The following SLC9C1 variants were observed in gnomAD, a reference collection of about 807,000 sequenced individuals.
SLC9C1 encodes solute carrier family 9 member C1, also known as sodium/hydrogen exchanger 10.
In SLC9C1, 97 loss-of-function variants were observed where a neutral mutation model predicts 140.9. That is an observed-to-expected ratio of 0.69 (90% CI 0.58 to 0.82). The LOEUF (loss-of-function observed/expected upper bound fraction) is 0.82, where lower values mean the gene tolerates loss of function less well. SLC9C1 is among the 40% of genes least tolerant of loss of function. SLC9C1 has a pLI of 0.00. For missense variants in SLC9C1, 1,340 were observed against 1,389.3 expected, an observed-to-expected ratio of 0.96 and a Z score of 0.56; for synonymous variants, 440 against 442.6, an observed-to-expected ratio of 0.99 and a Z score of 0.07.
At chr3:112,175,712 A>G (rs2077323818) in intron 23 of SLC9C1, among the ~76,000 whole-genome samples, 1 of 152,176 alleles carries the variant, frequency 6.6e-6, no homozygotes, top group Admixed American at 6.5e-5. Context: ...GTGCATGAAT[A>G]AGAAGTCTGA....
At chr3:112,141,401 G>C in intron 28 of SLC9C1, 120 bp from the exon 29 acceptor site, 1 of 981,490 alleles carries the variant, frequency 1.0e-6, no homozygotes, top group Non-Finnish European at 1.4e-6. Flanking sequence ...GACACACTTG[G>C]TCATTTTTGT....
intron 23 of SLC9C1, 120 bp downstream of exon 23, chr3:112,179,411 C>T (rs1171551499): frequency 4.4e-6 from 5 of 1,136,462 alleles, no homozygotes; most frequent in South Asian, 1.8e-5. Flanking sequence ...CTTTATAATT[C>T]CTAGTTTTTA....
intron 20 of SLC9C1, among the ~76,000 whole-genome samples, chr3:112,188,026 A>G (rs1327314052): frequency 6.6e-6 from 1 of 152,072 alleles, no homozygotes; most frequent in Admixed American, 6.5e-5. Context: ...ACATCTATTT[A>G]CATATGTTTA....
At chr3:112,235,966 G>A (rs1177591926) in intron 12 of SLC9C1, among the ~76,000 whole-genome samples, 1 of 152,174 alleles carries the variant, frequency 6.6e-6, no homozygotes, top group Non-Finnish European at 1.5e-5. Context: ...TTTGGTATCA[G>A]GATGATGCTG....
At chr3:112,146,518 C>T (rs1473932775) in intron 28 of SLC9C1, among the ~76,000 whole-genome samples, 1 of 152,072 alleles carries the variant, frequency 6.6e-6, no homozygotes, top group Non-Finnish European at 1.5e-5. Context: ...GTGTCTCTTT[C>T]ATTTATTTCA....
In SLC9C1 at chr3:112,168,170, A is replaced by AT. The variant is rs58036556; in HGVS notation, c.3237+706dup. Among the ~76,000 whole-genome samples, 33 of 151,812 alleles carry AT rather than the reference A, an allele frequency of 2.2e-4. 1 individual carries two copies. Among genetic ancestry groups the AT allele is most frequent in the South Asian group, 1.0e-3 (5 of 4,810 alleles). On this transcript the variant is annotated intron_variant, in intron 25 of 28. Coordinates refer to ENST00000305815, the MANE Select transcript of SLC9C1 (RefSeq NM_183061.3). The stretch of plus-strand genomic sequence containing the variant: ...CTCTTGAGGATAAGTTGTAAGTATC[A>AT]TTTTTTTTATCATTTCAATATATAG...
At chr3:112,155,072 G>C (rs763897150) in intron 26 of SLC9C1, 23 bp from the exon 27 acceptor site, 7 of 1,364,972 alleles carry the variant, frequency 5.1e-6, no homozygotes, top group Admixed American at 1.9e-5. Context: ...AAAAAAAACA[G>C]TGTTAATTCA....
At position 112,231,372 on chromosome 3, in the gene SLC9C1, A is replaced by G; in HGVS notation, c.1561T>C (p.Ser521Pro). The part of the protein sequence containing the change: ...AMELANRRLL[S>P]AQIASYQRQY... The stretch of plus-strand genomic sequence containing the variant: ...GAATAATACAGTACTATTTGTGCTG[A>G]CAAGAGACGCCTGTTGGCCAGCTCC... The change falls in exon 13 of 29, where the codon TCA becomes CCA. Residue 521 changes from serine (S) to proline (P), a missense_variant. Coordinates refer to ENST00000305815, the MANE Select transcript of SLC9C1 (RefSeq NM_183061.3). 2 of 1,613,382 alleles carry G rather than the reference A, an allele frequency of 1.2e-6. No homozygotes were observed. The highest frequency in any genetic ancestry group is 4.5e-5 in the East Asian group (2 of 44,836).
Position 112,141,179 on chromosome 3 carries a change from G to A in SLC9C1, c.*93C>T. On this transcript the variant is annotated 3_prime_UTR_variant, in exon 29 of 29. Transcript: ENST00000305815. Reference sequence around the variant, plus strand: ...TCATCCACACAGGATCCAACCTGAAGTTACTCCTTCTTGATGTAGGGAAGT... The same window carrying A: ...TCATCCACACAGGATCCAACCTGAAATTACTCCTTCTTGATGTAGGGAAGT... 4 of 1,328,772 alleles carry A rather than the reference G, an allele frequency of 3.0e-6. No individual in the cohort carries two copies. Among genetic ancestry groups the A allele is most frequent in the Admixed American group, 2.7e-5 (1 of 36,646 alleles). 82.3% of individuals were successfully genotyped at this position (1,328,772 alleles called of 1,614,324 possible).
chr3:112,142,659 A>G (rs1385059129), intron 28 of SLC9C1, among the ~76,000 whole-genome samples: 1 of 152,186 alleles, frequency 6.6e-6, no homozygotes, highest in Non-Finnish European at 1.5e-5. Flanking sequence ...CTTAAATTCA[A>G]TATACAAAAA....
At chr3:112,272,979 C>T (rs953324027) in intron 6 of SLC9C1, among the ~76,000 whole-genome samples, 9 of 152,060 alleles carry the variant, frequency 5.9e-5, no homozygotes, top group Non-Finnish European at 1.0e-4. Context: ...CCTGATTAGC[C>T]TGCAGATGTC....
intron 28 of SLC9C1, among the ~76,000 whole-genome samples, chr3:112,143,446 G>A (rs181405108): frequency 6.6e-6 from 1 of 151,976 alleles, no homozygotes; most frequent in African/African-American, 2.4e-5. Context: ...ATGGTGTGAG[G>A]TAGTATCTCA....
chr3:112,268,856 T>G (rs1442307910), intron 7 of SLC9C1, among the ~76,000 whole-genome samples: 2 of 152,192 alleles, frequency 1.3e-5, no homozygotes, highest in African/African-American at 4.8e-5. Flanking sequence ...TTATCTTGCA[T>G]GTCAATTCCA....
chr3:112,211,729 C>T (rs1343615672), intron 15 of SLC9C1, among the ~76,000 whole-genome samples: 2 of 152,206 alleles, frequency 1.3e-5, no homozygotes, highest in Non-Finnish European at 2.9e-5. Context: ...TGGGTGGAGC[C>T]CACTGCAGCT....
chr3:112,261,916 T>A (rs897902996), intron 10 of SLC9C1, among the ~76,000 whole-genome samples: 1 of 152,088 alleles, frequency 6.6e-6, no homozygotes, highest in South Asian at 2.1e-4. Flanking sequence ...CTGACTGATG[T>A]TCTGTTGGTG....
At chr3:112,256,878 T>C (rs2079621913) in intron 10 of SLC9C1, among the ~76,000 whole-genome samples, 1 of 152,116 alleles carries the variant, frequency 6.6e-6, no homozygotes, top group African/African-American at 2.4e-5. Flanking sequence ...GGATACAAAA[T>C]CATCATACAA....
intron 17 of SLC9C1, 66 bp from the exon 18 acceptor site, chr3:112,202,465 T>A (rs2077931572): frequency 3.5e-6 from 5 of 1,446,364 alleles, no homozygotes; most frequent in Non-Finnish European, 4.7e-6. Context: ...TGTTGATTAG[T>A]TTAATCAAAA....
intron 22 of SLC9C1, among the ~76,000 whole-genome samples, chr3:112,180,297 G>A (rs192411865): frequency 0.013 from 1,927 of 152,316 alleles, 10 homozygotes; most frequent in Non-Finnish European, 0.02. Flanking sequence ...TGAGGCGGGC[G>A]GATCACCTGA....
intron 25 of SLC9C1, among the ~76,000 whole-genome samples, chr3:112,168,466 C>T (rs1380482986): frequency 6.6e-6 from 1 of 152,104 alleles, no homozygotes; most frequent in Non-Finnish European, 1.5e-5. Flanking sequence ...TTCAAAGCAG[C>T]TGTAGGAATA....
Sources: gnomAD v4.1 joint callset for allele counts (sites outside exome capture counted in the v4.1 genomes callset) on GRCh38, gnomAD v4.1.1 for gene constraint, MANE v1.5 for transcripts, NCBI Gene and HGNC (gene_info 2026-07-23, HGNC 2026-07-21) for gene names.